Variants in MYO1D observed in about 807,000 individuals in gnomAD.
MYO1D encodes unconventional myosin-Id.
MYO1D carries 83 observed loss-of-function variants against 122.0 expected under a neutral mutation model. The observed-to-expected ratio is 0.68, with a 90% CI of 0.57 to 0.82. The LOEUF (loss-of-function observed/expected upper bound fraction) is 0.82, where lower values mean the gene tolerates loss of function less well. Among genes scored for constraint, MYO1D ranks in the 40% least tolerant of loss-of-function variants. The pLI, the probability that MYO1D is intolerant of heterozygous loss-of-function variation, is 0.00. For missense variants in MYO1D, 1,157 were observed against 1,269.5 expected (o/e 0.91, Z 1.35); for synonymous variants, 464 against 446.9 (o/e 1.04, Z -0.48).
At chr17:32,750,396 G>A (rs541539908) in intron 11 of MYO1D, among the ~76,000 whole-genome samples, 67 of 151,964 alleles carry the variant, frequency 4.4e-4, no homozygotes, top group African/African-American at 1.5e-3. Context: ...GGCGGATTCC[G>A]AGGTCAGGAG....
chr17:32,663,414 G>A (rs967493050), intron 16 of MYO1D, among the ~76,000 whole-genome samples: 1 of 152,052 alleles, frequency 6.6e-6, no homozygotes, highest in Non-Finnish European at 1.5e-5. Flanking sequence ...ACCTTATCCA[G>A]TCATTCAGTT....
chr17:32,854,943 T>A (rs2091015911), intron 1 of MYO1D, among the ~76,000 whole-genome samples: 1 of 152,200 alleles, frequency 6.6e-6, no homozygotes, highest in Admixed American at 6.5e-5. Flanking sequence ...TATGTGTACA[T>A]GTGTGAGTGT....
At chr17:32,672,403 T>C (rs567252721) in intron 16 of MYO1D, among the ~76,000 whole-genome samples, 1 of 152,334 alleles carries the variant, frequency 6.6e-6, no homozygotes, top group Non-Finnish European at 1.5e-5. Flanking sequence ...AACAGGAAGC[T>C]TGGTTTCAAA....
intron 21 of MYO1D, 29 bp from the exon 22 acceptor site, chr17:32,494,944 A>C (rs554732762): frequency 5.1e-6 from 8 of 1,571,670 alleles, no homozygotes; most frequent in African/African-American, 2.7e-5. Flanking sequence ...CCAGACGGGC[A>C]GTTAGCAGGC....
At chr17:32,674,587 A>C (rs2088777512) in intron 16 of MYO1D, among the ~76,000 whole-genome samples, 1 of 152,108 alleles carries the variant, frequency 6.6e-6, no homozygotes, top group African/African-American at 2.4e-5. Flanking sequence ...TATGTTTCTT[A>C]CTAATAATTC....
chr17:32,705,551 C>T (rs991211887), intron 16 of MYO1D, among the ~76,000 whole-genome samples: 4 of 152,188 alleles, frequency 2.6e-5, no homozygotes, highest in African/African-American at 7.2e-5. Flanking sequence ...GCATGGGCCA[C>T]CACACGTGGC....
intron 16 of MYO1D, among the ~76,000 whole-genome samples, chr17:32,679,882 C>G (rs992233923): frequency 6.0e-5 from 9 of 150,950 alleles, no homozygotes; most frequent in Non-Finnish European, 1.2e-4. Context: ...TTGATTCTTC[C>G]TACCCATGAA....
chr17:32,793,602 T>C (rs2090380827), intron 1 of MYO1D, among the ~76,000 whole-genome samples: 1 of 152,208 alleles, frequency 6.6e-6, no homozygotes, highest in Non-Finnish European at 1.5e-5. Context: ...AAGGATGCTT[T>C]ATTTTGATCT....
chr17:32,642,109 G>T (rs1398384467), intron 19 of MYO1D, among the ~76,000 whole-genome samples: 1 of 152,072 alleles, frequency 6.6e-6, no homozygotes, highest in African/African-American at 2.4e-5. Context: ...ATTTTTGTAT[G>T]AGGTGTAAGG....
At chr17:32,617,481 C>T (rs2087787254) in intron 20 of MYO1D, among the ~76,000 whole-genome samples, 2 of 152,142 alleles carry the variant, frequency 1.3e-5, no homozygotes, top group Non-Finnish European at 2.9e-5. Flanking sequence ...CTGTTGTTGG[C>T]CTGGGCTGGA....
In MYO1D at chr17:32,653,875, T is replaced by G; in HGVS notation, c.2563A>C (p.Met855Leu). The G allele has an allele frequency of 1.2e-6, 2 of 1,613,992 alleles. No homozygotes were observed. The highest frequency in any genetic ancestry group is 3.3e-4 in the Middle Eastern group (2 of 6,060). Residue 855 changes from methionine (M) to leucine (L), a missense_variant, in exon 19 of 22, where the codon ATG (methionine) becomes CTG (leucine). Coordinates refer to ENST00000318217, the MANE Select transcript of MYO1D (RefSeq NM_015194.3). ...ANELKRKDKY[M>L]NVLFSCHVRK... ...ACGTGACAGGAAAAGAGGACATTCA[T>G]GTATTTGTCCTTCCGTTTCAATTCA...
At chr17:32,559,509 G>A (rs1284104535) in intron 21 of MYO1D, among the ~76,000 whole-genome samples, 1 of 152,234 alleles carries the variant, frequency 6.6e-6, no homozygotes, top group African/African-American at 2.4e-5. Flanking sequence ...ATGCTCAGCT[G>A]TAGCCAATCC....
intron 20 of MYO1D, among the ~76,000 whole-genome samples, chr17:32,605,936 A>C (rs1042562567): frequency 9.3e-5 from 14 of 151,050 alleles, no homozygotes; most frequent in East Asian, 2.0e-4. Context: ...AAAAAAAAAA[A>C]CACACAAAAA....
chr17:32,855,279 C>T (rs928823654), intron 1 of MYO1D, among the ~76,000 whole-genome samples: 5 of 152,166 alleles, frequency 3.3e-5, no homozygotes, highest in Admixed American at 6.6e-5. Context: ...TGTGCCAAGA[C>T]TGTTCCCGGC....
intron 1 of MYO1D, among the ~76,000 whole-genome samples, chr17:32,872,823 A>C (rs1420215767): frequency 1.3e-5 from 2 of 150,818 alleles, no homozygotes; most frequent in African/African-American, 4.9e-5. Context: ...CAGCCTCCCG[A>C]GTAGCTGGGA....
intron 2 of MYO1D, among the ~76,000 whole-genome samples, chr17:32,779,480 A>G (rs1385632180): frequency 2.0e-5 from 3 of 150,750 alleles, no homozygotes; most frequent in African/African-American, 4.9e-5. Context: ...AATTCTATAT[A>G]TAATTATATA....
intron 1 of MYO1D, among the ~76,000 whole-genome samples, chr17:32,815,715 A>G (rs1174733484): frequency 6.6e-6 from 1 of 152,200 alleles, no homozygotes; most frequent in Non-Finnish European, 1.5e-5. Context: ...TTCATTGGCC[A>G]ATACCACAGG....
chr17:32,531,835 A>T (rs7213034), intron 21 of MYO1D, among the ~76,000 whole-genome samples: 18,176 of 152,274 alleles, frequency 0.12, 1,274 homozygotes, highest in Non-Finnish European at 0.16. Flanking sequence ...AAATGTAGAG[A>T]AAAGTGATTG....
rs566721846 is a variant in MYO1D, at chr17:32,820,162, T to C, written c.96-39378A>G. On this transcript the variant is annotated intron_variant, in intron 1 of 21. Coordinates refer to ENST00000318217, the MANE Select transcript of MYO1D (RefSeq NM_015194.3). ...CAGAAATGGGAACTCTTGCACACTGTTGGTGGGAATGTAAACTGGTACAGC... is the reference window on the plus strand; with the variant it reads ...CAGAAATGGGAACTCTTGCACACTGCTGGTGGGAATGTAAACTGGTACAGC... 1.8e-3 allele frequency among the ~76,000 whole-genome samples: 275 copies of C among 152,338 alleles called. 1 individual carries two copies. The highest frequency in any genetic ancestry group is 6.5e-3 in the African/African-American group (272 of 41,584).
Sources: allele counts gnomAD v4.1 joint callset (sites outside exome capture counted in the v4.1 genomes callset), GRCh38; gene constraint gnomAD v4.1.1; transcripts MANE v1.5; gene names NCBI Gene and HGNC (gene_info 2026-07-23, HGNC 2026-07-21).